Variants in GRHL2 observed in about 807,000 individuals in gnomAD.
GRHL2 encodes grainyhead like transcription factor 2.
GRHL2 carries 21 observed loss-of-function variants against 83.8 expected under a neutral mutation model. The observed-to-expected ratio is 0.25, with a 90% CI of 0.18 to 0.36. GRHL2 has a LOEUF of 0.36. Among genes scored for constraint, GRHL2 ranks in the 10% least tolerant of loss-of-function variants. The probability of loss-of-function intolerance (pLI) is 1.00; values close to 1 mark genes in which losing one functional copy is unlikely to be tolerated. For missense variants in GRHL2, 623 were observed against 781.8 expected, an observed-to-expected ratio of 0.80 and a Z score of 2.42; for synonymous variants, 280 against 278.9, an observed-to-expected ratio of 1.00 and a Z score of -0.04.
the GRHL2 span, among the ~76,000 whole-genome samples, chr8:101,678,065 C>T: frequency 2.0e-5 from 3 of 152,150 alleles, no homozygotes; most frequent in African/African-American, 7.2e-5. Context: ...CCGGCGAAGA[C>T]AAGCGAGGGA....
At chr8:101,626,019 T>A (rs1289520080) in intron 9 of GRHL2, among the ~76,000 whole-genome samples, 2 of 152,102 alleles carry the variant, frequency 1.3e-5, no homozygotes, top group African/African-American at 4.8e-5. Flanking sequence ...TCATCATTTT[T>A]GAAGCTCTAA....
intron 14 of GRHL2, among the ~76,000 whole-genome samples, chr8:101,663,409 C>A (rs866846575): frequency 6.6e-6 from 1 of 151,848 alleles, no homozygotes; most frequent in Non-Finnish European, 1.5e-5. Flanking sequence ...GTCAGGAGTT[C>A]GAGACCAGCC....
At chr8:101,578,265 G>A (rs535725070) in intron 7 of GRHL2, among the ~76,000 whole-genome samples, 51 of 152,306 alleles carry the variant, frequency 3.3e-4, no homozygotes, top group Admixed American at 9.2e-4. Context: ...TGTTGGAGGA[G>A]CCACCCAGCA....
intron 1 of GRHL2, among the ~76,000 whole-genome samples, chr8:101,499,951 C>T (rs1228749938): frequency 2.0e-5 from 3 of 152,064 alleles, no homozygotes; most frequent in African/African-American, 7.2e-5. Flanking sequence ...TGGCACGTGC[C>T]TGTACTCCCA....
intron 1 of GRHL2, among the ~76,000 whole-genome samples, chr8:101,536,002 T>A (rs764786111): frequency 2.0e-5 from 3 of 152,188 alleles, no homozygotes; most frequent in Non-Finnish European, 4.4e-5. Context: ...GAGGATGGGA[T>A]GTTGCAGCTG....
chr8:101,511,865 G>A (rs901289825), intron 1 of GRHL2, among the ~76,000 whole-genome samples: 29 of 152,046 alleles, frequency 1.9e-4, no homozygotes, highest in African/African-American at 6.5e-4. Context: ...ATGAAGAAAT[G>A]AGGTGAGGTC....
intron 8 of GRHL2, among the ~76,000 whole-genome samples, chr8:101,609,525 A>G (rs1003134162): frequency 3.3e-5 from 5 of 151,098 alleles, no homozygotes; most frequent in African/African-American, 4.9e-5. Flanking sequence ...AAGTAAATTT[A>G]TACACGCACA....
intron 1 of GRHL2, among the ~76,000 whole-genome samples, chr8:101,535,864 G>A (rs958326790): frequency 3.9e-5 from 6 of 152,150 alleles, no homozygotes; most frequent in African/African-American, 1.4e-4. Flanking sequence ...TCTTTGCATA[G>A]TCAGTCATCT....
At chr8:101,674,371 G>C (rs556693334), downstream of GRHL2, among the ~76,000 whole-genome samples, 1 of 152,040 alleles carries the variant, frequency 6.6e-6, no homozygotes, top group Non-Finnish European at 1.5e-5. Flanking sequence ...AATGATAAAG[G>C]GGATGTCACC....
intron 7 of GRHL2, among the ~76,000 whole-genome samples, chr8:101,592,512 A>G (rs1368872976): frequency 1.3e-5 from 2 of 152,182 alleles, no homozygotes; most frequent in Non-Finnish European, 2.9e-5. Context: ...CCATCGAACA[A>G]TATTAAGTGT....
intron 5 of GRHL2, 134 bp downstream of exon 5, chr8:101,570,528 T>C: frequency 1.3e-6 from 1 of 775,336 alleles, no homozygotes; most frequent in Non-Finnish European, 2.2e-6. Context: ...GCCTCAGTGC[T>C]TTTTTCTTTA....
At chr8:101,562,603 A>G (rs553745854) in intron 4 of GRHL2, 30 of 177,058 alleles carry the variant, frequency 1.7e-4, no homozygotes, top group African/African-American at 2.4e-5. Context: ...ATATCCAGCC[A>G]TACTGGTTTC....
chr8:101,512,041 A>G (rs1275545147), intron 1 of GRHL2, among the ~76,000 whole-genome samples: 1 of 152,088 alleles, frequency 6.6e-6, no homozygotes, highest in Non-Finnish European at 1.5e-5. Context: ...ACATTGATCT[A>G]TTTATGCCTA....
chr8:101,542,203 TACAC>T (rs1310272806), intron 1 of GRHL2, among the ~76,000 whole-genome samples: 1 of 152,200 alleles, frequency 6.6e-6, no homozygotes, highest in Non-Finnish European at 1.5e-5. Context: ...TTCAATGTCT[TACAC>T]ATATTTATAA....
chr8:101,567,507 T>G (rs1811741332), intron 4 of GRHL2, among the ~76,000 whole-genome samples: 1 of 152,256 alleles, frequency 6.6e-6, no homozygotes, highest in Admixed American at 6.5e-5. Context: ...TGATGTTTTC[T>G]AGGTACACTA....
chr8:101,509,153 C>CTTTT (rs56658916), intron 1 of GRHL2, among the ~76,000 whole-genome samples: 31 of 19,860 alleles, frequency 1.6e-3, no homozygotes, highest in Non-Finnish European at 2.2e-3. Flanking sequence ...TTCCTTCCTT[C>CTTTT]CTTCCTTTCT....
chr8:101,520,671 C>T (rs1810664161), intron 1 of GRHL2, among the ~76,000 whole-genome samples: 1 of 152,134 alleles, frequency 6.6e-6, no homozygotes, highest in South Asian at 2.1e-4. Flanking sequence ...GTACCCTGTG[C>T]ACTTAGCATA....
chr8:101,612,873 G>C (rs1005800437), intron 8 of GRHL2, among the ~76,000 whole-genome samples: 2 of 150,898 alleles, frequency 1.3e-5, no homozygotes, highest in African/African-American at 5.0e-5. Flanking sequence ...CAGAATCATG[G>C]AGCAAACAGA....
intron 9 of GRHL2, among the ~76,000 whole-genome samples, chr8:101,628,156 A>T (rs574299606): frequency 4.1e-4 from 63 of 152,264 alleles, no homozygotes; most frequent in African/African-American, 1.5e-3. Flanking sequence ...GTCACCTAGG[A>T]CTTTCATAGC....
Sources: gnomAD v4.1 joint callset for allele counts (sites outside exome capture counted in the v4.1 genomes callset) on GRCh38, gnomAD v4.1.1 for gene constraint, MANE v1.5 for transcripts, NCBI Gene and HGNC (gene_info 2026-07-23, HGNC 2026-07-21) for gene names.